ABHD2: variants seen among roughly 807,000 people sequenced by gnomAD.
ABHD2 encodes the protein abhydrolase domain containing 2, acylglycerol lipase, also known as monoacylglycerol lipase ABHD2.
ABHD2 carries 20 observed loss-of-function variants against 48.1 expected under a neutral mutation model. The observed-to-expected ratio is 0.42, with a 90% CI of 0.29 to 0.60. The LOEUF (loss-of-function observed/expected upper bound fraction) is 0.60. Among genes scored for constraint, ABHD2 ranks in the 20% least tolerant of loss-of-function variants. The pLI is 0.24. For synonymous variants in ABHD2, 209 were observed against 214.2 expected (o/e 0.98, Z 0.21); for missense variants, 405 against 550.9 (o/e 0.74, Z 2.65).
In ABHD2 at chr15:89,106,045, A is replaced by G. The variant is rs293391; in HGVS notation, c.-106-7680A>G. Among the ~76,000 whole-genome samples, 74,637 of 151,962 alleles carry G rather than the reference A, an allele frequency of 0.49. 19,752 individuals carry two copies. Among genetic ancestry groups the G allele is most frequent in the African/African-American group, 0.68 (28,148 of 41,450 alleles). On this transcript the variant is annotated intron_variant, in intron 1 of 10. Transcript: ENST00000352732. The surrounding 1 kb of genome is among the most constrained non-coding windows in gnomAD (Gnocchi z 4.2). ...ACCCAGAGTATTGGCCAGGTGCAGT[A>G]GCTCACGCCTGTAATTCCAGCACTT...
intron 3 of ABHD2, among the ~76,000 whole-genome samples, chr15:89,148,789 C>T (rs990647761): frequency 6.6e-6 from 1 of 152,232 alleles, no homozygotes; most frequent in Admixed American, 6.5e-5. Context: ...TTGGCCGCTA[C>T]ATTTTCGAAC....
the ABHD2 span, among the ~76,000 whole-genome samples, chr15:89,056,765 C>T: frequency 3.8e-4 from 58 of 152,296 alleles, no homozygotes; most frequent in East Asian, 0.011. Context: ...GAGTCATTCA[C>T]CTCACTGGGC....
In ABHD2 at chr15:89,142,926, G is replaced by A. The variant is rs959040381; in HGVS notation, c.195-8751G>A. ...AATATAAATATTTTCATCAGAGTTA[G>A]GCTAACATTAAAGAATTTTTCTTTG... On this transcript the variant is annotated intron_variant, in intron 3 of 10. Coordinates refer to ENST00000352732, the MANE Select transcript of ABHD2 (RefSeq NM_152924.5). 6.6e-5 allele frequency among the ~76,000 whole-genome samples: 10 copies of A among 152,146 alleles called. No individual in the cohort carries two copies. The East Asian group carries it at 1.5e-3, about 24-fold the overall frequency.
At chr15:89,098,178 G>A (rs1245029140) in intron 1 of ABHD2, among the ~76,000 whole-genome samples, 2 of 152,014 alleles carry the variant, frequency 1.3e-5, no homozygotes, top group Non-Finnish European at 2.9e-5. Context: ...TGGCACCCAG[G>A]CAAATTTTAG....
chr15:89,187,120 C>T (rs1036153102), intron 7 of ABHD2, among the ~76,000 whole-genome samples: 1 of 152,188 alleles, frequency 6.6e-6, no homozygotes, highest in Non-Finnish European at 1.5e-5. Flanking sequence ...GGATCCAGGC[C>T]TCTGACACCA....
intron 3 of ABHD2, among the ~76,000 whole-genome samples, chr15:89,128,535 A>G (rs1175142194): frequency 6.6e-6 from 1 of 152,098 alleles, no homozygotes; most frequent in Non-Finnish European, 1.5e-5. Context: ...ATGGATCTTC[A>G]TTTGGCTAGA....
chr15:89,070,235 A>G, the ABHD2 span: 1 of 152,214 alleles, frequency 6.6e-6, no homozygotes, highest in Non-Finnish European at 1.5e-5. Context: ...CAGAAGTGAC[A>G]TGTGTTCATT....
intron 6 of ABHD2, chr15:89,183,396 T>A (rs1236839998): frequency 3.6e-4 from 36 of 101,196 alleles, no homozygotes; most frequent in East Asian, 5.0e-4. Context: ...TATATATATA[T>A]ATATATATAT....
chr15:89,180,168 C>CGGAA (rs2150934907), intron 6 of ABHD2, among the ~76,000 whole-genome samples: 1 of 152,310 alleles, frequency 6.6e-6, no homozygotes, highest in Non-Finnish European at 1.5e-5. Context: ...ACTCTATGGA[C>CGGAA]GGAACCTCAC....
At chr15:89,163,656 A>G (rs945991587) in intron 5 of ABHD2, among the ~76,000 whole-genome samples, 25 of 152,242 alleles carry the variant, frequency 1.6e-4, no homozygotes, top group Admixed American at 3.3e-4. Flanking sequence ...ACTGTTCATT[A>G]GAATACAGAG....
intron 6 of ABHD2, among the ~76,000 whole-genome samples, chr15:89,181,247 A>AAAAC (rs2051108978): frequency 6.6e-6 from 1 of 151,612 alleles, no homozygotes; most frequent in Non-Finnish European, 1.5e-5. Flanking sequence ...AAAAAAAAAA[A>AAAAC]AAACAAGATG....
chr15:89,122,023 C>A (rs1341065384), intron 3 of ABHD2, among the ~76,000 whole-genome samples: 2 of 152,094 alleles, frequency 1.3e-5, no homozygotes, highest in Non-Finnish European at 2.9e-5. Flanking sequence ...AGAGACAGAG[C>A]CCCATTATGT....
chr15:89,145,064 C>G (rs546822592), intron 3 of ABHD2, among the ~76,000 whole-genome samples: 123 of 152,256 alleles, frequency 8.1e-4, no homozygotes, highest in African/African-American at 2.9e-3. Context: ...TGAGACCAGC[C>G]TGGCCAACAT....
the ABHD2 span, among the ~76,000 whole-genome samples, chr15:89,060,322 C>G: frequency 6.6e-6 from 1 of 151,782 alleles, no homozygotes. Context: ...AACTCCTGAT[C>G]TCAGGTGATC....
chr15:89,057,951 G>T, the ABHD2 span, among the ~76,000 whole-genome samples: 1 of 152,124 alleles, frequency 6.6e-6, no homozygotes, highest in Non-Finnish European at 1.5e-5. Context: ...GGGACCCCAG[G>T]ACTAGGACTC....
At position 89,092,002 on chromosome 15, in the gene ABHD2, C is replaced by A. The variant is rs1225910156; in HGVS notation, c.-107+3439C>A. ...AGTGCATGAGTAGGACATTTTTAAG[C>A]CCTGTGCTGCTGTTTCTTTGTTGAT... On this transcript the variant is annotated intron_variant, in intron 1 of 10. Coordinates refer to ENST00000352732, the MANE Select transcript of ABHD2 (RefSeq NM_152924.5). This position sits in a 1 kb window ranked among gnomAD's most constrained non-coding sequence, Gnocchi z 4.4. Among the ~76,000 whole-genome samples the A allele has an allele frequency of 6.6e-6, 1 of 152,208 alleles. No homozygotes were observed. The highest frequency in any genetic ancestry group is 1.9e-4 in the East Asian group (1 of 5,200).
rs767095699 is a variant in ABHD2, at chr15:89,164,620, T to C, written c.538+9086T>C. ...TGATAGAACATGGTGAAACCTCATC[T>C]CTACTAAAAATGAAAAAAGCCAGGT... is the stretch of plus-strand genomic sequence containing the variant. On this transcript the variant is annotated intron_variant, in intron 5 of 10. Transcript: ENST00000352732. The surrounding 1 kb of genome is among the most constrained non-coding windows in gnomAD (Gnocchi z 5.0). 8.6e-5 allele frequency among the ~76,000 whole-genome samples: 13 copies of C among 151,820 alleles called. No homozygotes were observed. The highest frequency in any genetic ancestry group is 1.6e-4 in the Non-Finnish European group (11 of 67,960).
chr15:89,157,940 C>T (rs946922311), intron 5 of ABHD2, among the ~76,000 whole-genome samples: 8 of 151,710 alleles, frequency 5.3e-5, no homozygotes, highest in South Asian at 4.2e-4. Flanking sequence ...AGAATTGGAC[C>T]CAAAAGTCAG....
At chr15:89,183,385 ATATATATATATAT>A (rs1398471592) in intron 6 of ABHD2, 19 of 17,958 alleles carry the variant, frequency 1.1e-3, no homozygotes, top group Middle Eastern at 0.024. Flanking sequence ...AAAAAAAAAA[ATATATATATATAT>A]ATATATATAT....
Sources: gnomAD v4.1 joint callset for allele counts (sites outside exome capture counted in the v4.1 genomes callset) on GRCh38, gnomAD v4.1.1 for gene constraint, Gnocchi (gnomAD v3.1) non-coding constraint, MANE v1.5 for transcripts, NCBI Gene and HGNC (gene_info 2026-07-23, HGNC 2026-07-21) for gene names.